The following FMN1 variants were observed in gnomAD, a reference collection of about 807,000 sequenced individuals.
FMN1 encodes formin 1.
In FMN1, 110 loss-of-function variants were observed where a neutral mutation model predicts 132.4. The ratio of observed to expected loss-of-function variants is 0.83; its 90% confidence interval spans 0.71 to 0.97. The LOEUF (loss-of-function observed/expected upper bound fraction) is 0.97, where lower values mean the gene tolerates loss of function less well. Ranked by LOEUF, FMN1 falls within the 50% of genes least tolerant of loss-of-function variation. FMN1 has a pLI of 0.00. For missense variants in FMN1, 1,792 were observed against 1,705.3 expected (o/e 1.05, Z -0.90); for synonymous variants, 722 against 651.7 (o/e 1.11, Z -1.64).
At chr15:33,187,360 T>C (rs1356775798) in intron 2 of FMN1, among the ~76,000 whole-genome samples, 1 of 151,818 alleles carries the variant, frequency 6.6e-6, no homozygotes, top group African/African-American at 2.4e-5. Context: ...TAAAAAGGAG[T>C]GAGATTTATC....
intron 7 of FMN1, among the ~76,000 whole-genome samples, chr15:32,983,406 T>C (rs1390854367): frequency 6.6e-6 from 1 of 152,194 alleles, no homozygotes; most frequent in Non-Finnish European, 1.5e-5. Flanking sequence ...TTTACGGTAA[T>C]GGAAATGTTC....
intron 9 of FMN1, among the ~76,000 whole-genome samples, chr15:32,949,206 TG>T (rs2061571336): frequency 6.6e-6 from 1 of 152,124 alleles, no homozygotes; most frequent in Non-Finnish European, 1.5e-5. Context: ...AAAATTCATA[TG>T]GTACCAAAAA....
At chr15:32,993,057 G>A (rs971173186) in intron 7 of FMN1, among the ~76,000 whole-genome samples, 5 of 152,196 alleles carry the variant, frequency 3.3e-5, no homozygotes, top group Admixed American at 6.5e-5. Flanking sequence ...CCATGTAAGG[G>A]ATGCTTCATT....
intron 6 of FMN1, among the ~76,000 whole-genome samples, chr15:33,049,182 T>C (rs1214451039): frequency 6.6e-6 from 1 of 152,212 alleles, no homozygotes; most frequent in Non-Finnish European, 1.5e-5. Context: ...TTTGGTCACA[T>C]TGTAACCTAA....
intron 5 of FMN1, among the ~76,000 whole-genome samples, chr15:33,084,375 C>A (rs565784950): frequency 6.6e-6 from 1 of 152,266 alleles, no homozygotes; most frequent in Non-Finnish European, 1.5e-5. Flanking sequence ...TCATAGGAAC[C>A]TATTTGTATC....
At chr15:32,987,232 C>A (rs1256593684) in intron 7 of FMN1, among the ~76,000 whole-genome samples, 1 of 152,106 alleles carries the variant, frequency 6.6e-6, no homozygotes, top group Admixed American at 6.6e-5. Flanking sequence ...GTATAACATC[C>A]ACATGAAACC....
chr15:32,941,143 A>T (rs2061392658), intron 9 of FMN1, among the ~76,000 whole-genome samples: 1 of 152,214 alleles, frequency 6.6e-6, no homozygotes, highest in Non-Finnish European at 1.5e-5. Flanking sequence ...GTTTACGTGA[A>T]GCCAGTAGAT....
At chr15:33,016,579 G>A (rs2035057831) in intron 6 of FMN1, among the ~76,000 whole-genome samples, 1 of 152,212 alleles carries the variant, frequency 6.6e-6, no homozygotes, top group African/African-American at 2.4e-5. Flanking sequence ...GTCAACAGCT[G>A]CCAGCAGAGC....
At chr15:33,029,086 C>T (rs900596155) in intron 6 of FMN1, among the ~76,000 whole-genome samples, 1 of 152,068 alleles carries the variant, frequency 6.6e-6, no homozygotes, top group African/African-American at 2.4e-5. Context: ...TTAAATAATA[C>T]CATAAAAATC....
intron 5 of FMN1, among the ~76,000 whole-genome samples, chr15:33,074,064 T>G (rs547141926): frequency 6.6e-6 from 1 of 152,182 alleles, no homozygotes; most frequent in East Asian, 1.9e-4. Flanking sequence ...ATGAAGGCAT[T>G]TGAGGTCAAG....
At chr15:32,893,134 T>C (rs75443698) in intron 15 of FMN1, among the ~76,000 whole-genome samples, 2 of 152,258 alleles carry the variant, frequency 1.3e-5, no homozygotes, top group East Asian at 1.9e-4. Context: ...TTAGGGATAC[T>C]AGGATACAGT....
rs776696931 is a variant in FMN1, at chr15:32,969,461, C to T, written c.2240G>A (p.Arg747Gln). ...IENLQAQFEL[R>Q]AFHIRGEHAM... ...ATGCTCGCCCCGGATATGAAATGCC[C>T]GAAGTTCAAACTGTGCCTATAGGAA... Residue 747 changes from arginine (R) to glutamine (Q), a missense_variant, in exon 8 of 21, where the codon CGG becomes CAG. Physicochemically the swap from Arg to Gln is conservative, Grantham distance 43 (BLOSUM62 1). Coordinates refer to ENST00000616417, the MANE Select transcript of FMN1 (RefSeq NM_001277313.2). 9.0e-5 allele frequency: 146 copies of T among 1,613,390 alleles called. No homozygotes were observed. The highest frequency in any genetic ancestry group is 1.2e-4 in the Non-Finnish European group (139 of 1,179,714).
intron 5 of FMN1, 36 bp downstream of exon 5, chr15:33,088,761 CAA>C: frequency 6.6e-7 from 1 of 1,506,608 alleles, no homozygotes; most frequent in Non-Finnish European, 8.9e-7. Flanking sequence ...CTGTTGACCA[CAA>C]AGAACCACAG....
At chr15:32,849,446 CA>C (rs1169248941) in intron 17 of FMN1, among the ~76,000 whole-genome samples, 2 of 151,756 alleles carry the variant, frequency 1.3e-5, no homozygotes, top group African/African-American at 4.9e-5. Flanking sequence ...AGGGATCCTC[CA>C]GGTCAATACA....
At chr15:33,067,313 G>C in intron 5 of FMN1, 3 of 1,613,936 alleles carry the variant, frequency 1.9e-6, no homozygotes, top group Non-Finnish European at 2.5e-6. Context: ...CCCAGTGACA[G>C]TATTTTCCCT....
At chr15:32,903,833 T>C (rs2060354819) in intron 12 of FMN1, among the ~76,000 whole-genome samples, 1 of 152,162 alleles carries the variant, frequency 6.6e-6, no homozygotes, top group Non-Finnish European at 1.5e-5. Context: ...GATTAAAGCC[T>C]TTCTGGGGTT....
At chr15:33,030,090 A>G (rs1182109841) in intron 6 of FMN1, among the ~76,000 whole-genome samples, 4 of 152,218 alleles carry the variant, frequency 2.6e-5, no homozygotes, top group Non-Finnish European at 2.9e-5. Context: ...CCCGGGAGGC[A>G]AAGCTTGCAG....
chr15:33,026,787 T>C (rs2035698508), intron 6 of FMN1, among the ~76,000 whole-genome samples: 1 of 152,040 alleles, frequency 6.6e-6, no homozygotes, highest in Admixed American at 6.5e-5. Flanking sequence ...GAGAGTGGAA[T>C]TTTCTAGTAA....
chr15:33,043,675 G>A (rs552852198), intron 6 of FMN1, among the ~76,000 whole-genome samples: 16 of 152,350 alleles, frequency 1.1e-4, no homozygotes, highest in African/African-American at 2.4e-4. Context: ...TGGCAGCGGC[G>A]GCCTATATGG....
Sources: allele counts gnomAD v4.1 joint callset (sites outside exome capture counted in the v4.1 genomes callset), GRCh38; gene constraint gnomAD v4.1.1; transcripts MANE v1.5; gene names NCBI Gene and HGNC (gene_info 2026-07-23, HGNC 2026-07-21).